The following MEIS2 variants were observed in gnomAD, a reference collection of about 807,000 sequenced individuals.
MEIS2 encodes homeobox protein Meis2.
MEIS2 carries 9 observed loss-of-function variants against 58.6 expected under a neutral mutation model. The observed-to-expected ratio is 0.15, with a 90% CI of 0.09 to 0.27. The LOEUF (loss-of-function observed/expected upper bound fraction) is 0.27, where lower values mean the gene tolerates loss of function less well. MEIS2 is among the 10% of genes least tolerant of loss of function. MEIS2 has a pLI of 1.00. For missense variants in MEIS2, 427 were observed against 635.0 expected, an observed-to-expected ratio of 0.67 and a Z score of 3.52; for synonymous variants, 221 against 228.4, an observed-to-expected ratio of 0.97 and a Z score of 0.29.
chr15:36,968,162 G>GT (rs1378801130), intron 8 of MEIS2, among the ~76,000 whole-genome samples: 2 of 152,138 alleles, frequency 1.3e-5, no homozygotes, highest in Non-Finnish European at 2.9e-5. Context: ...TCGAAGCAGC[G>GT]TAACAAATCC....
chr15:36,892,262 C>T lies in MEIS2; in HGVS notation c.1345G>A (p.Gly449Arg). Residue 449 changes from glycine to arginine, a missense_variant, in exon 12 of 12, where the codon GGA (glycine) becomes AGA (arginine). Transcript: ENST00000561208. ...GGGCTCTGTGCTGACATAGTCATTC[C>T]AGGGTGGGTAGGGGGTCCTCCGTGC... ...MMHGGPPTHP[G>R]MTMSAQSPTM... The T allele has an allele frequency of 6.2e-7, 1 of 1,613,916 alleles. No individual in the cohort carries two copies. Among genetic ancestry groups the T allele is most frequent in the Non-Finnish European group, 8.5e-7 (1 of 1,180,002 alleles).
chr15:36,896,857 C>T, intron 9 of MEIS2, 171 bp from the exon 10 acceptor site: 1 of 606,394 alleles, frequency 1.6e-6, no homozygotes, highest in Non-Finnish European at 2.9e-6. Context: ...ACTGGGTAAT[C>T]TCCGTCGTCA....
intron 9 of MEIS2, among the ~76,000 whole-genome samples, chr15:36,923,538 T>C (rs943225114): frequency 6.6e-6 from 1 of 152,192 alleles, no homozygotes; most frequent in Admixed American, 6.5e-5. Flanking sequence ...CACTCTGAAC[T>C]GAATGAACAC....
intron 7 of MEIS2, among the ~76,000 whole-genome samples, chr15:37,043,846 C>T (rs912511197): frequency 6.6e-6 from 1 of 151,988 alleles, no homozygotes; most frequent in African/African-American, 2.4e-5. Context: ...TGCCACCACG[C>T]CCAGTTAATT....
Position 37,013,282 on chromosome 15 carries a change from A to AT in MEIS2, c.900+23531dup, listed in dbSNP as rs1249368551. ...AGAAGAGAGGAGAGGAAAAAAGATG[A>AT]TTTTAAGGCCAGGCACCGTGGCTCA... On this transcript the variant is annotated intron_variant, in intron 8 of 11. Coordinates refer to ENST00000561208, the MANE Select transcript of MEIS2 (RefSeq NM_170675.5). Among the ~76,000 whole-genome samples, 5 of 152,226 alleles carry AT rather than the reference A, an allele frequency of 3.3e-5. No homozygotes were observed. In the East Asian group the frequency reaches 9.7e-4, roughly 29 times the overall value.
intron 8 of MEIS2, among the ~76,000 whole-genome samples, chr15:37,021,186 A>G (rs2061515145): frequency 6.6e-6 from 1 of 152,002 alleles, no homozygotes; most frequent in South Asian, 2.1e-4. Flanking sequence ...AAAATTATTC[A>G]TTTTTCCTCC....
intron 7 of MEIS2, among the ~76,000 whole-genome samples, chr15:37,056,239 G>C (rs928025414): frequency 6.6e-6 from 1 of 152,162 alleles, no homozygotes; most frequent in Non-Finnish European, 1.5e-5. Flanking sequence ...CAAGAGGTGT[G>C]TTACAGTAGC....
chr15:37,074,307 GC>G (rs1891090812), intron 7 of MEIS2, among the ~76,000 whole-genome samples: 2 of 151,806 alleles, frequency 1.3e-5, no homozygotes, highest in South Asian at 4.1e-4. Context: ...TCATATTTTT[GC>G]CAAACTGAGA....
At chr15:36,994,903 T>G (rs1453898987) in intron 8 of MEIS2, among the ~76,000 whole-genome samples, 3 of 152,208 alleles carry the variant, frequency 2.0e-5, no homozygotes, top group Admixed American at 6.5e-5. Flanking sequence ...TGCTTGAAAT[T>G]ACAGGATCAG....
chr15:36,921,314 G>C (rs2057497469), intron 9 of MEIS2, among the ~76,000 whole-genome samples: 1 of 152,162 alleles, frequency 6.6e-6, no homozygotes, highest in Admixed American at 6.5e-5. Context: ...AATGCGAAAT[G>C]ATCAGTTCCA....
intron 8 of MEIS2, among the ~76,000 whole-genome samples, chr15:37,010,081 T>G (rs903357678): frequency 2.0e-5 from 3 of 152,106 alleles, no homozygotes; most frequent in East Asian, 3.9e-4. Context: ...CTGTGGGTTT[T>G]TTTTGTTTTG....
At chr15:37,052,499 C>T (rs984342480) in intron 7 of MEIS2, among the ~76,000 whole-genome samples, 1 of 152,184 alleles carries the variant, frequency 6.6e-6, no homozygotes, top group African/African-American at 2.4e-5. Flanking sequence ...AGACTCTATT[C>T]TTACACAGAA....
chr15:36,985,658 C>T (rs894143013), intron 8 of MEIS2, among the ~76,000 whole-genome samples: 1 of 152,182 alleles, frequency 6.6e-6, no homozygotes, highest in Non-Finnish European at 1.5e-5. Flanking sequence ...TATTAGAATG[C>T]CCTGCACCAC....
chr15:36,925,192 G>GA (rs769951883), intron 9 of MEIS2, among the ~76,000 whole-genome samples: 3 of 152,256 alleles, frequency 2.0e-5, no homozygotes, highest in East Asian at 1.9e-4. Flanking sequence ...TAAAAAAGGA[G>GA]AAAAAAAGAG....
intron 9 of MEIS2, among the ~76,000 whole-genome samples, chr15:36,913,349 T>C (rs767422653): frequency 6.6e-6 from 1 of 152,252 alleles, no homozygotes; most frequent in Non-Finnish European, 1.5e-5. Context: ...CATTGATACT[T>C]AGTTTGATTC....
intron 8 of MEIS2, among the ~76,000 whole-genome samples, chr15:36,989,869 G>C (rs2060211707): frequency 1.3e-5 from 2 of 152,152 alleles, no homozygotes; most frequent in Admixed American, 1.3e-4. Flanking sequence ...CTTACTTGTT[G>C]GTAGTCCCCA....
At chr15:36,994,817 TA>T (rs1313521583) in intron 8 of MEIS2, among the ~76,000 whole-genome samples, 3 of 152,194 alleles carry the variant, frequency 2.0e-5, no homozygotes, top group Non-Finnish European at 4.4e-5. Context: ...TTTTTTCTTT[TA>T]AAAATCTTTA....
chr15:36,977,366 T>TA (rs895214095), intron 8 of MEIS2, among the ~76,000 whole-genome samples: 4 of 151,882 alleles, frequency 2.6e-5, no homozygotes, highest in African/African-American at 7.3e-5. Flanking sequence ...AACACAAACT[T>TA]AAAAAAAATC....
intron 9 of MEIS2, among the ~76,000 whole-genome samples, chr15:36,942,313 A>G (rs1025745357): frequency 6.6e-6 from 1 of 152,210 alleles, no homozygotes; most frequent in African/African-American, 2.4e-5. Context: ...TATTTTTTAC[A>G]AAGTAAGGCT....
Sources: gnomAD v4.1 joint callset for allele counts (sites outside exome capture counted in the v4.1 genomes callset) on GRCh38, gnomAD v4.1.1 for gene constraint, MANE v1.5 for transcripts, NCBI Gene and HGNC (gene_info 2026-07-23, HGNC 2026-07-21) for gene names.